KIF17: variants seen among roughly 807,000 people sequenced by gnomAD.
KIF17 encodes kinesin family member 17, also known as kinesin-like protein KIF17.
A neutral mutation model predicts 96.8 loss-of-function variants in KIF17; 80 were observed. The observed-to-expected ratio is 0.83, with a 90% confidence interval of 0.69 to 1.00. The LOEUF (loss-of-function observed/expected upper bound fraction) is 1.00, where lower values mean the gene tolerates loss of function less well. KIF17 is among the 50% of genes least tolerant of loss of function. The pLI is 0.00. For missense variants in KIF17, 1,280 were observed against 1,372.9 expected (o/e 0.93, Z 1.07); for synonymous variants, 567 against 587.5 (o/e 0.97, Z 0.51).
At position 20,690,352 on chromosome 1, in the gene KIF17, G is replaced by GGGGGGGGGGGGCCCCCC; in HGVS notation, c.1234-18_1234-17insGGGGGGCCCCCCCCCCC. On this transcript the variant is annotated splice_polypyrimidine_tract_variant and intron_variant, in intron 6 of 14. Transcript: ENST00000400463. Reference sequence around the variant, plus strand: ...TTCATACTCCTGGGGGGGTGGGAGGGACCAGAGGGCAGGCAGCATTTTATC... The same window carrying GGGGGGGGGGGGCCCCCC: ...TTCATACTCCTGGGGGGGTGGGAGGGGGGGGGGGGGGCCCCCCACCAGAGGGCAGGCAGCATTTTATC... 1 of 451,166 alleles carries GGGGGGGGGGGGCCCCCC rather than the reference G, an allele frequency of 2.2e-6. No individual in the cohort carries two copies. Among genetic ancestry groups the GGGGGGGGGGGGCCCCCC allele is most frequent in the Non-Finnish European group, 4.3e-6 (1 of 235,148 alleles). The allele number at this position is 451,166 out of a possible 1,614,324, so 27.9% of individuals were successfully genotyped here.
At chr1:20,683,965 G>A (rs2053880867) in intron 10 of KIF17, among the ~76,000 whole-genome samples, 1 of 152,242 alleles carries the variant, frequency 6.6e-6, no homozygotes, top group African/African-American at 2.4e-5. Flanking sequence ...CAGGACATGT[G>A]CCAAGTGTTT....
chr1:20,678,466 A>C lies in KIF17; in HGVS notation c.2463+4187T>G, dbSNP rs186018147. 2.7e-4 allele frequency among the ~76,000 whole-genome samples: 41 copies of C among 152,330 alleles called. No individual in the cohort carries two copies. In the East Asian group the frequency reaches 6.4e-3, roughly 24 times the overall value. On this transcript the variant is annotated intron_variant, in intron 11 of 14. Coordinates refer to ENST00000400463, the MANE Select transcript of KIF17 (RefSeq NM_001122819.3). ...ATCCTAGGTACCTGAGGATGAAAAC[A>C]TCCATCTAAGCCTGAATCTCTCCAA...
At chr1:20,710,999 G>A (rs111669856) in intron 3 of KIF17, among the ~76,000 whole-genome samples, 4,935 of 152,196 alleles carry the variant, frequency 0.032, 105 homozygotes, top group Non-Finnish European at 0.05. Context: ...GGCCCAGGCG[G>A]CAGCTGTGAG....
At position 20,709,299 on chromosome 1, in the gene KIF17, C is replaced by T. The variant is rs1466444027; in HGVS notation, c.670+340G>A. 2.6e-5 allele frequency among the ~76,000 whole-genome samples: 4 copies of T among 152,022 alleles called. No individual in the cohort carries two copies. The highest frequency in any genetic ancestry group is 9.7e-5 in the African/African-American group (4 of 41,364). The stretch of plus-strand genomic sequence containing the variant: ...AGGAGGCTGAGGTGGGAGGCTCGCC[C>T]GAGCCTGGGAGGCAGAGGTTGCAGT... On this transcript the variant is annotated intron_variant, in intron 4 of 14. Coordinates refer to ENST00000400463, the MANE Select transcript of KIF17 (RefSeq NM_001122819.3). This position sits in a 1 kb window ranked among gnomAD's most constrained non-coding sequence, Gnocchi z 4.7.
intron 4 of KIF17, among the ~76,000 whole-genome samples, chr1:20,706,191 C>T (rs184010732): frequency 6.6e-6 from 1 of 151,090 alleles, no homozygotes; most frequent in Admixed American, 6.6e-5. Flanking sequence ...CAGGCATGAG[C>T]CACTGTGCCC....
rs2054488091 is a variant in KIF17, at chr1:20,712,821, TA to T, written c.480+632del. 9.9e-5 allele frequency among the ~76,000 whole-genome samples: 9 copies of T among 91,234 alleles called. 1 individual carries two copies. The highest frequency in any genetic ancestry group is 4.0e-4 in the African/African-American group (9 of 22,694). 59.9% of individuals were successfully genotyped at this position (91,234 alleles called of 152,430 possible). Reference sequence around the variant, plus strand: ...ATAGATAATATCTATATATATAATATAGATATTATCTATATTATAGATATAG... The same window carrying T: ...ATAGATAATATCTATATATATAATATGATATTATCTATATTATAGATATAG... On this transcript the variant is annotated intron_variant, in intron 3 of 14. Transcript: ENST00000400463.
chr1:20,716,197 G>C (rs965196532), intron 1 of KIF17, among the ~76,000 whole-genome samples: 1 of 149,496 alleles, frequency 6.7e-6, no homozygotes, highest in East Asian at 2.0e-4. Flanking sequence ...AGCCGAGGTC[G>C]TGCCACTGCA....
intron 6 of KIF17, chr1:20,692,692 G>C (rs905186208): frequency 1.3e-5 from 2 of 151,832 alleles, no homozygotes; most frequent in African/African-American, 2.4e-5. Context: ...GGGGTGTAGG[G>C]TTGGAAAATG....
downstream of KIF17, among the ~76,000 whole-genome samples, chr1:20,662,222 A>C (rs1482908359): frequency 6.6e-6 from 1 of 152,196 alleles, no homozygotes; most frequent in Non-Finnish European, 1.5e-5. Flanking sequence ...GTGAACATCC[A>C]TTCAATAATG....
At chr1:20,669,515 G>A (rs1309395992) in intron 13 of KIF17, among the ~76,000 whole-genome samples, 2 of 145,718 alleles carry the variant, frequency 1.4e-5, no homozygotes, top group African/African-American at 2.5e-5. Context: ...TAGCATGGGC[G>A]ACAGAGCGAG....
intron 3 of KIF17, among the ~76,000 whole-genome samples, chr1:20,712,284 C>T (rs192662104): frequency 6.4e-4 from 97 of 151,946 alleles, no homozygotes; most frequent in Non-Finnish European, 1.3e-3. Flanking sequence ...GGAGCAACAC[C>T]CTCTGTTGCC....
At position 20,715,344 on chromosome 1, in the gene KIF17, A is replaced by T; in HGVS notation, c.378+149T>A. On this transcript the variant is annotated intron_variant, in intron 2 of 14. Transcript: ENST00000400463. ...TTTCTCTGTTCTAAGTTTTTTTCCC[A>T]CCACCTTTTCAGAACCCAGAGCCTT... is the stretch of plus-strand genomic sequence containing the variant. 2 of 1,051,306 alleles carry T rather than the reference A, an allele frequency of 1.9e-6. 1 individual carries two copies. The highest frequency in any genetic ancestry group is 6.2e-4 in the Middle Eastern group (2 of 3,214). The allele number at this position is 1,051,306 out of a possible 1,614,324, so 65.1% of individuals were successfully genotyped here.
Position 20,685,927 on chromosome 1 carries a change from G to A in KIF17, c.2019+119C>T. On this transcript the variant is annotated intron_variant, in intron 9 of 14. Coordinates refer to ENST00000400463, the MANE Select transcript of KIF17 (RefSeq NM_001122819.3). This position sits in a 1 kb window ranked among gnomAD's most constrained non-coding sequence, Gnocchi z 4.1. ...CACAAGCCCGGGGAAGGCTGGAGTT[G>A]TTGTTCTCAGCTCATGGATGAGGAA... is the stretch of plus-strand genomic sequence containing the variant. 1 of 866,530 alleles carries A rather than the reference G, an allele frequency of 1.2e-6. No individual in the cohort carries two copies. Among genetic ancestry groups the A allele is most frequent in the Non-Finnish European group, 1.9e-6 (1 of 527,408 alleles). The allele number at this position is 866,530 out of a possible 1,614,324, so 53.7% of individuals were successfully genotyped here. A position where few individuals can be genotyped will look rare whatever the true frequency, so the allele number is the denominator to read the frequency against.
chr1:20,673,719 C>T (rs567059388), intron 11 of KIF17, among the ~76,000 whole-genome samples: 4 of 151,798 alleles, frequency 2.6e-5, no homozygotes, highest in African/African-American at 7.3e-5. Flanking sequence ...TTAGCAGAGA[C>T]GGGGTTTCAC....
chr1:20,689,834 T>C (rs1192102435), intron 7 of KIF17, among the ~76,000 whole-genome samples: 1 of 151,928 alleles, frequency 6.6e-6, no homozygotes, highest in African/African-American at 2.4e-5. Flanking sequence ...AAAGAAAGGG[T>C]GGCACTTCAC....
Position 20,709,891 on chromosome 1 carries a change from G to A in KIF17, c.481-63C>T. ...CCGCCAAGGGTTAGGACCAGGGATG[G>A]TCAAGGAACCAGAGAGAAGGGCCCC... On this transcript the variant is annotated intron_variant, in intron 3 of 14. Coordinates refer to ENST00000400463, the MANE Select transcript of KIF17 (RefSeq NM_001122819.3). This position sits in a 1 kb window ranked among gnomAD's most constrained non-coding sequence, Gnocchi z 4.7. The A allele has an allele frequency of 6.7e-7, 1 of 1,494,442 alleles. No individual in the cohort carries two copies. The highest frequency in any genetic ancestry group is 9.1e-7 in the Non-Finnish European group (1 of 1,095,078). 92.6% of individuals were successfully genotyped at this position (1,494,442 alleles called of 1,614,324 possible). A position where few individuals can be genotyped will look rare whatever the true frequency, so the allele number is the denominator to read the frequency against.
At chr1:20,717,066 G>A (rs1027356009) in intron 1 of KIF17, among the ~76,000 whole-genome samples, 2 of 152,198 alleles carry the variant, frequency 1.3e-5, no homozygotes, top group Admixed American at 6.5e-5. Context: ...TCGGCCGGAC[G>A]CGGTGCCTCA....
rs540419070 is a variant in KIF17, at chr1:20,715,695, G to T, written c.232-56C>A. 3.3e-3 allele frequency: 5,327 copies of T among 1,605,324 alleles called. 10 individuals are homozygous for T. Among genetic ancestry groups the T allele is most frequent in the Middle Eastern group, 5.8e-3 (35 of 6,026 alleles). On this transcript the variant is annotated intron_variant, in intron 1 of 14. Transcript: ENST00000400463. ...CAGTGGAGCAGGCACAGCAGGGCTC[G>T]GGACAGGGCTCCCTAACCCACAGAC... is the stretch of plus-strand genomic sequence containing the variant.
In KIF17 at chr1:20,664,585, C is replaced by T; in HGVS notation, c.3086G>A (p.Ter1029=). 2 of 1,613,866 alleles carry T rather than the reference C, an allele frequency of 1.2e-6. No individual in the cohort carries two copies. The highest frequency in any genetic ancestry group is 1.7e-6 in the Non-Finnish European group (2 of 1,179,986). Residue 1029 remains the stop codon, a stop_retained_variant, in exon 15 of 15, where the codon TGA becomes TAA. Transcript: ENST00000400463. ...GCAGGCAATGGCAAGCAGCTGTGCT[C>T]ACAGAGGCTCACTGCCAAAGTTGCT... ...SKSNFGSEPL[*] is the part of the protein sequence containing the mutation.
Sources: gnomAD v4.1 joint callset for allele counts (sites outside exome capture counted in the v4.1 genomes callset) on GRCh38, gnomAD v4.1.1 for gene constraint, Gnocchi (gnomAD v3.1) non-coding constraint, MANE v1.5 for transcripts, NCBI Gene and HGNC (gene_info 2026-07-23, HGNC 2026-07-21) for gene names.